The following UBA1 variants were observed in gnomAD, a reference collection of about 807,000 sequenced individuals.
UBA1 encodes the protein ubiquitin-like modifier-activating enzyme 1.
UBA1 carries 4 observed loss-of-function variants against 84.7 expected under a neutral mutation model. That is an observed-to-expected ratio of 0.05 (90% CI 0.02 to 0.11). The LOEUF is 0.11. UBA1 is among the 10% of genes least tolerant of loss of function. UBA1 has a pLI of 1.00. For synonymous variants in UBA1, 364 were observed against 362.6 expected, an observed-to-expected ratio of 1.00 and a Z score of -0.04; for missense variants, 513 against 902.8, an observed-to-expected ratio of 0.57 and a Z score of 5.53.
rs1180835791 is a variant in UBA1 at position 47,201,294 on chromosome X, T to G, written c.606T>G (p.Phe202Leu). ...RGLFGQLFCD[F>L]GEEMILTDSN... The stretch of plus-strand genomic sequence containing the variant: ...TCTACAGGCAGCTCTTCTGTGACTT[T>G]GGAGAGGAAATGATCCTCACAGATT... Residue 202 changes from phenylalanine to leucine, a missense_variant, in exon 7 of 26, where the codon TTT becomes TTG. By Grantham distance (22) the Phe-to-Leu change is conservative. Transcript: ENST00000335972. 5.0e-6 allele frequency: 6 copies of G among 1,207,127 alleles called. No individual in the cohort carries two copies. Among genetic ancestry groups the G allele is most frequent in the Non-Finnish European group, 5.6e-6 (5 of 893,530 alleles).
upstream of UBA1, among the ~76,000 whole-genome samples, chrX:47,192,302 A>G (rs1556784425): frequency 9.0e-6 from 1 of 110,952 alleles, no homozygotes; most frequent in East Asian, 2.8e-4. Context: ...TACTACTAAT[A>G]TAACACTTAG....
intron 5 of UBA1, 79 bp from the exon 6 acceptor site, chrX:47,200,815 C>T: frequency 1.3e-6 from 1 of 796,522 alleles, no homozygotes. Context: ...GCCTTGAGGA[C>T]TGCCTGAGTC....
In UBA1 at chrX:47,198,903, C is replaced by A. The variant is rs201103349; in HGVS notation, c.101C>A (p.Pro34His). 8.3e-7 allele frequency: 1 copy of A among 1,212,040 alleles called. No individual in the cohort carries two copies. The highest frequency in any genetic ancestry group is 1.1e-6 in the Non-Finnish European group (1 of 895,527). Reference sequence around the variant, plus strand: ...GCCCAGTCCGTGTTGTCCGAAGTGCCCTCGGTGCCAACCAACGTGAGTGTC... The same window carrying A: ...GCCCAGTCCGTGTTGTCCGAAGTGCACTCGGTGCCAACCAACGTGAGTGTC... The part of the protein sequence containing the change: ...SPAQSVLSEV[P>H]SVPTNGMAKN... The change falls in exon 2 of 26, where the codon CCC becomes CAC. Residue 34 changes from proline (P) to histidine (H), a missense_variant. By Grantham distance (77) the Pro-to-His change is moderately conservative. Transcript: ENST00000335972.
At position 47,199,590 on chromosome X, in the gene UBA1, T is replaced by C. The variant is rs1936329714; in HGVS notation, c.456T>C (p.Val152=). Residue 152 remains valine, a synonymous_variant, in exon 5 of 26, where the codon GTT becomes GTC. Transcript: ENST00000335972. The stretch of plus-strand genomic sequence containing the variant: ...TCACTGCCTACACTGGACCCCTCGT[T>C]GAGGACTTCCTTAGTGGTTTCCAGG... ...VPVTAYTGPL[V]EDFLSGFQVV... is the part of the protein sequence containing the mutation. 8.3e-7 allele frequency: 1 copy of C among 1,209,635 alleles called. No individual in the cohort carries two copies. The highest frequency in any genetic ancestry group is 1.8e-5 in the African/African-American group (1 of 57,047).
chrX:47,211,070 A>G lies in UBA1; in HGVS notation c.2309A>G (p.Asn770Ser), dbSNP rs1178361928. The G allele has an allele frequency of 4.1e-5, 50 of 1,209,547 alleles. 1 individual carries two copies. The highest frequency in any genetic ancestry group is 5.6e-5 in the Non-Finnish European group (50 of 895,134). ...LHLDYVMAAA[N>S]LFAQTYGLTG... The stretch of plus-strand genomic sequence containing the variant: ...CTGGACTATGTGATGGCTGCTGCCA[A>G]CCTGTTTGCCCAGACCTACGGGCTG... Residue 770 changes from asparagine (N) to serine (S), a missense_variant, in exon 20 of 26, where the codon AAC (asparagine) becomes AGC (serine). Around this residue, in one of 6 missense-constraint regions of UBA1, gnomAD observed 151 missense variants for 260.1 expected, o/e 0.58. Transcript: ENST00000335972.
In UBA1 at chrX:47,213,076, G is replaced by A. The variant is rs149284493; in HGVS notation, c.2733G>A (p.Lys911=). The A allele has an allele frequency of 7.6e-5, 92 of 1,210,511 alleles. No homozygotes were observed. The highest frequency in any genetic ancestry group is 4.6e-4 in the Admixed American group (21 of 45,899). Residue 911 remains lysine, a synonymous_variant, in exon 23 of 26, where the codon AAG becomes AAA. Coordinates refer to ENST00000335972, the MANE Select transcript of UBA1 (RefSeq NM_003334.4). ...VVGLVCLELY[K]VVQGHRQLDS... ...GCCTTGTGTGTCTGGAGCTGTACAA[G>A]GTTGTGCAGGGGCACCGACAGCTTG... is the stretch of plus-strand genomic sequence containing the variant.
At chrX:47,198,408 C>G (rs45622131) in intron 1 of UBA1, 6,824 of 668,862 alleles carry the variant, frequency 0.01, 41 homozygotes, top group Middle Eastern at 0.043. Context: ...AGGCCTGTGG[C>G]GGTTAATTAT....
chrX:47,197,554 C>T (rs1226538333), intron 1 of UBA1: 10 of 751,975 alleles, frequency 1.3e-5, no homozygotes, highest in African/African-American at 4.7e-5. Flanking sequence ...GGGGAAGTGA[C>T]GCTGGGTCCT....
rs782316801 is a variant in UBA1 at position 47,199,459 on chromosome X, C to A, written c.346-21C>A. On this transcript the variant is annotated intron_variant, in intron 4 of 25. Coordinates refer to ENST00000335972, the MANE Select transcript of UBA1 (RefSeq NM_003334.4). ...GGTGCCACAGCCATTTCATCTTTTTCCCTACTGCACACCCTTACAGTTCTA... is the reference window on the plus strand; with the variant it reads ...GGTGCCACAGCCATTTCATCTTTTTACCTACTGCACACCCTTACAGTTCTA... The A allele has an allele frequency of 5.0e-6, 6 of 1,210,223 alleles. No individual in the cohort carries two copies. The Admixed American group carries it at 6.5e-5, about 13-fold the overall frequency.
intron 14 of UBA1, among the ~76,000 whole-genome samples, chrX:47,204,139 GTTTTTTTTTTTTTT>G (rs55829376): frequency 1.8e-4 from 3 of 16,880 alleles, no homozygotes; most frequent in East Asian, 2.1e-3. Flanking sequence ...CTCAGCTTCT[GTTTTTTTTTTTTTT>G]TTTTTTTTTT....
rs782429541 is a variant in UBA1, at chrX:47,214,663, G to A, written c.3041+26G>A. On this transcript the variant is annotated intron_variant, in intron 25 of 25. Coordinates refer to ENST00000335972, the MANE Select transcript of UBA1 (RefSeq NM_003334.4). ...GTGAGTTGGACACTGGCCAGGCTAG[G>A]GGAGGCCCTGTATGGGTTGGGGAGC... The A allele has an allele frequency of 1.1e-5, 13 of 1,198,493 alleles. No homozygotes were observed. The South Asian group carries it at 2.1e-4, about 20-fold the overall frequency.
intron 1 of UBA1, chrX:47,197,177 C>G (rs1275521161): frequency 6.6e-6 from 5 of 753,980 alleles, no homozygotes; most frequent in Non-Finnish European, 7.8e-6. Flanking sequence ...CCCCTCATCT[C>G]CCATTCCTTA....
chrX:47,212,434 T>A lies in UBA1; in HGVS notation c.2475T>A (p.Arg825=). Reference sequence around the variant, plus strand: ...CCTTTCTTCATGCAGATGACAGTCGTCTAGAGGAGCTCAAAGCCACTCTGC... The same window carrying A: ...CCTTTCTTCATGCAGATGACAGTCGACTAGAGGAGCTCAAAGCCACTCTGC... The part of the protein sequence containing the change: ...QSANASVDDS[R]LEELKATLPS... Residue 825 remains arginine (R), a synonymous_variant, in exon 21 of 26, where the codon CGT becomes CGA. Transcript: ENST00000335972. The A allele has an allele frequency of 8.3e-7, 1 of 1,204,470 alleles. No individual in the cohort carries two copies. The highest frequency in any genetic ancestry group is 1.8e-5 in the African/African-American group (1 of 56,879).
At chrX:47,199,428 G>T in intron 4 of UBA1, 51 bp downstream of exon 4, 1 of 1,211,290 alleles carries the variant, frequency 8.3e-7, no homozygotes, top group Non-Finnish European at 1.1e-6. Flanking sequence ...AGGCACCACT[G>T]TTCCCGGTGC....
At chrX:47,210,220 G>A in intron 18 of UBA1, 97 bp downstream of exon 18, 2 of 963,353 alleles carry the variant, frequency 2.1e-6, no homozygotes, top group Non-Finnish European at 2.9e-6. Context: ...AGCTGTGGCA[G>A]GTGCCCTGAG....
At chrX:47,209,426 T>G in intron 16 of UBA1, 197 bp from the exon 17 acceptor site, 1 of 525,505 alleles carries the variant, frequency 1.9e-6, no homozygotes, top group South Asian at 2.5e-5. Flanking sequence ...AGTGCTGGGA[T>G]TACAGGTGTG....
At chrX:47,208,532 T>A (rs1936783474) in intron 16 of UBA1, 1 of 112,136 alleles carries the variant, frequency 8.9e-6, no homozygotes, top group Non-Finnish European at 1.9e-5. Flanking sequence ...CTGAGTTTTT[T>A]GTGTTTTAAA....
chrX:47,202,883 C>T, intron 11 of UBA1, 60 bp from the exon 12 acceptor site: 1 of 1,200,810 alleles, frequency 8.3e-7, no homozygotes, highest in Non-Finnish European at 1.1e-6. Flanking sequence ...CACTTGCTCT[C>T]TGTCTGTGTC....
rs4239964 is a variant in UBA1 at position 47,201,619 on chromosome X, C to A, written c.811+9C>A. ...GGAGATCAAAGTCCTGGGTGAGCTG[C>A]GACCATGGGGGAAGCAGAGGGGAAC... On this transcript the variant is annotated intron_variant, in intron 8 of 25. Transcript: ENST00000335972. 6 of 1,209,069 alleles carry A rather than the reference C, an allele frequency of 5.0e-6. No individual in the cohort carries two copies. The African/African-American group carries it at 8.8e-5, about 18-fold the overall frequency.
Sources: allele counts gnomAD v4.1 joint callset (sites outside exome capture counted in the v4.1 genomes callset), GRCh38; gene constraint gnomAD v4.1.1; regional missense constraint gnomAD v4.1.1; transcripts MANE v1.5; gene names NCBI Gene and HGNC (gene_info 2026-07-23, HGNC 2026-07-21).